Variants in EPSTI1 observed in about 807,000 individuals in gnomAD.
EPSTI1 encodes epithelial stromal interaction 1.
A neutral mutation model predicts 49.9 loss-of-function variants in EPSTI1; 66 were observed. The observed-to-expected ratio is 1.32, with a 90% CI of 1.08 to 1.62. The LOEUF (loss-of-function observed/expected upper bound fraction) is 1.62, where lower values mean the gene tolerates loss of function less well. Ranked by LOEUF, EPSTI1 falls within the 40% of genes most tolerant of loss-of-function variation. The probability of loss-of-function intolerance (pLI) is 0.00; values close to 1 mark genes in which losing one functional copy is unlikely to be tolerated. For synonymous variants in EPSTI1, 137 were observed against 130.7 expected (o/e 1.05, Z -0.33); for missense variants, 394 against 365.5 (o/e 1.08, Z -0.64).
chr13:42,924,225 G>A (rs772834825), intron 7 of EPSTI1, among the ~76,000 whole-genome samples: 3 of 152,210 alleles, frequency 2.0e-5, no homozygotes, highest in African/African-American at 7.2e-5. Flanking sequence ...CACTGAAACC[G>A]TATTAATAGT....
chr13:42,989,209 T>C (rs2040142112), intron 1 of EPSTI1, among the ~76,000 whole-genome samples: 1 of 151,952 alleles, frequency 6.6e-6, no homozygotes, highest in Non-Finnish European at 1.5e-5. Context: ...GGCACAAACA[T>C]TCGACTTAAG....
chr13:42,917,490 C>G (rs1160214937), intron 8 of EPSTI1, 51 bp downstream of exon 8: 3 of 1,430,052 alleles, frequency 2.1e-6, no homozygotes, highest in African/African-American at 2.8e-5. Flanking sequence ...TCAAAATTAT[C>G]TAGTACCTCA....
intron 10 of EPSTI1, among the ~76,000 whole-genome samples, chr13:42,893,127 T>C (rs1307927790): frequency 2.0e-5 from 3 of 152,048 alleles, no homozygotes; most frequent in African/African-American, 4.8e-5. Context: ...AATAAAGAAA[T>C]TAGAGATAGC....
intron 9 of EPSTI1, among the ~76,000 whole-genome samples, chr13:42,899,811 G>A (rs2091480354): frequency 6.6e-6 from 1 of 152,128 alleles, no homozygotes; most frequent in African/African-American, 2.4e-5. Flanking sequence ...AAGATGGAGA[G>A]TGCTTAGACT....
chr13:42,952,955 A>AC (rs769571740), intron 6 of EPSTI1, among the ~76,000 whole-genome samples: 2 of 152,136 alleles, frequency 1.3e-5, no homozygotes, highest in Non-Finnish European at 2.9e-5. Flanking sequence ...AAATATGCTC[A>AC]CCCCAACATC....
intron 6 of EPSTI1, among the ~76,000 whole-genome samples, chr13:42,948,429 T>TG (rs35250104): frequency 0.14 from 20,631 of 148,224 alleles, 1,499 homozygotes; most frequent in Non-Finnish European, 0.16. Flanking sequence ...CTTGTTGTTT[T>TG]TTTTTTTTTT....
At chr13:42,963,498 T>C (rs1353187607) in intron 4 of EPSTI1, 160 bp from the exon 5 acceptor site, 2 of 606,756 alleles carry the variant, frequency 3.3e-6, no homozygotes, top group Non-Finnish European at 5.7e-6. Flanking sequence ...TCACAGAGAA[T>C]GGCCGGGCTA....
At chr13:42,969,045 A>C in intron 3 of EPSTI1, 49 bp downstream of exon 3, 1 of 1,584,804 alleles carries the variant, frequency 6.3e-7, no homozygotes, top group Non-Finnish European at 8.7e-7. Context: ...TACAGGATCC[A>C]TAGGTGGCCC....
At chr13:42,951,644 A>C (rs529233070) in intron 6 of EPSTI1, among the ~76,000 whole-genome samples, 10 of 152,212 alleles carry the variant, frequency 6.6e-5, no homozygotes, top group Non-Finnish European at 1.0e-4. Flanking sequence ...TGGAACTATA[A>C]AAGAAAGGAG....
intron 1 of EPSTI1, among the ~76,000 whole-genome samples, chr13:42,987,576 C>T (rs902897256): frequency 9.6e-5 from 13 of 135,282 alleles, no homozygotes; most frequent in South Asian, 2.2e-4. Flanking sequence ...GGTTTTTTTG[C>T]GATTTTTTTT....
At chr13:42,944,838 C>T (rs2038871716) in intron 6 of EPSTI1, among the ~76,000 whole-genome samples, 1 of 152,146 alleles carries the variant, frequency 6.6e-6, no homozygotes, top group African/African-American at 2.4e-5. Flanking sequence ...CAGAAAAATA[C>T]ATGGACCTTG....
chr13:42,910,822 G>C (rs1459035692), intron 8 of EPSTI1, among the ~76,000 whole-genome samples: 1 of 152,104 alleles, frequency 6.6e-6, no homozygotes, highest in Non-Finnish European at 1.5e-5. Flanking sequence ...ATAATACTGG[G>C]TAACAACCAA....
At chr13:42,920,620 C>T (rs2037966171) in intron 7 of EPSTI1, among the ~76,000 whole-genome samples, 1 of 152,092 alleles carries the variant, frequency 6.6e-6, no homozygotes, top group Non-Finnish European at 1.5e-5. Flanking sequence ...TATACCTGCT[C>T]CTGCTTTGAA....
Position 42,888,139 on chromosome 13 carries a change from A to G in EPSTI1, c.*355T>C. The G allele has an allele frequency of 7.8e-7, 1 of 1,284,496 alleles. No individual in the cohort carries two copies. The highest frequency in any genetic ancestry group is 1.1e-6 in the Non-Finnish European group (1 of 929,132). 79.6% of individuals were successfully genotyped at this position (1,284,496 alleles called of 1,614,324 possible). A position where few individuals can be genotyped will look rare whatever the true frequency, so the allele number is the denominator to read the frequency against. On this transcript the variant is annotated 3_prime_UTR_variant, in exon 11 of 11. Coordinates refer to ENST00000313624, the MANE Select transcript of EPSTI1 (RefSeq NM_033255.5). ...CCTGATCTGAGAATTAGATAAGAAT[A>G]TGTCACTTAGAAAGACAAGCCTGTA...
At chr13:42,978,722 C>G (rs1203412187) in intron 1 of EPSTI1, among the ~76,000 whole-genome samples, 1 of 148,446 alleles carries the variant, frequency 6.7e-6, no homozygotes, top group Non-Finnish European at 1.5e-5. Flanking sequence ...GCCATAGATA[C>G]TTACTTAAGA....
At chr13:42,982,055 T>C (rs2153435749) in intron 1 of EPSTI1, among the ~76,000 whole-genome samples, 1 of 152,304 alleles carries the variant, frequency 6.6e-6, no homozygotes, top group African/African-American at 2.4e-5. Flanking sequence ...GAATAGGGGC[T>C]GGGTAAAATA....
rs562965441 is a variant in EPSTI1 at position 42,968,987 on chromosome 13, CCAAA to C, written c.331+103_331+106del. 2.0e-4 allele frequency: 208 copies of C among 1,036,684 alleles called. No homozygotes were observed. In the African/African-American group the frequency reaches 2.6e-3, roughly 13 times the overall value. 64.2% of individuals were successfully genotyped at this position (1,036,684 alleles called of 1,614,324 possible). ...GCATTCCACCCAAGCAGCACAATGA[CCAAA>C]CAAACTACAATGGACATTCACAGAC... is the stretch of plus-strand genomic sequence containing the variant. On this transcript the variant is annotated intron_variant, in intron 3 of 10. Transcript: ENST00000313624.
At chr13:42,888,646 C>T in intron 10 of EPSTI1, 144 bp from the exon 11 acceptor site, 2 of 803,416 alleles carry the variant, frequency 2.5e-6, no homozygotes, top group Non-Finnish European at 3.9e-6. Flanking sequence ...CTTAAATGAC[C>T]ATTGAAACGA....
intron 8 of EPSTI1, among the ~76,000 whole-genome samples, chr13:42,909,339 G>A (rs1202575850): frequency 6.6e-6 from 1 of 152,088 alleles, no homozygotes; most frequent in Non-Finnish European, 1.5e-5. Context: ...CTGCTTGTGG[G>A]GGGTGTAAAT....
Sources: allele counts gnomAD v4.1 joint callset (sites outside exome capture counted in the v4.1 genomes callset), GRCh38; gene constraint gnomAD v4.1.1; transcripts MANE v1.5; gene names NCBI Gene and HGNC (gene_info 2026-07-23, HGNC 2026-07-21).